The following CFAP53 variants were observed in gnomAD, a reference collection of about 807,000 sequenced individuals.
CFAP53 encodes cilia- and flagella-associated protein 53.
CFAP53 carries 62 observed loss-of-function variants against 59.7 expected under a neutral mutation model. The ratio of observed to expected loss-of-function variants is 1.04; its 90% CI spans 0.85 to 1.28. CFAP53 has a LOEUF of 1.28. Among genes scored for constraint, CFAP53 ranks in the 50% most tolerant of loss-of-function variants. The pLI is 0.00. For synonymous variants in CFAP53, 218 were observed against 205.7 expected (o/e 1.06, Z -0.51); for missense variants, 629 against 615.6 (o/e 1.02, Z -0.23).
At chr18:50,230,361 G>A (rs1416409063) in intron 7 of CFAP53, among the ~76,000 whole-genome samples, 2 of 152,128 alleles carry the variant, frequency 1.3e-5, no homozygotes, top group Non-Finnish European at 2.9e-5. Context: ...GGAAGGTGGG[G>A]GCTGGAGATG....
In CFAP53 at chr18:50,264,822, C is replaced by T. The variant is rs921378727; in HGVS notation, c.69+1514G>A. Among the ~76,000 whole-genome samples the T allele has an allele frequency of 9.2e-5, 14 of 152,234 alleles. 1 individual carries two copies. The highest frequency in any genetic ancestry group is 2.1e-4 in the Non-Finnish European group (14 of 68,052). Reference sequence around the variant, plus strand: ...CACAAGTAATAGCACCCAACAATGGCTCAGCCCCTGAGCCCAGTGTTTGGA... The same window carrying T: ...CACAAGTAATAGCACCCAACAATGGTTCAGCCCCTGAGCCCAGTGTTTGGA... On this transcript the variant is annotated intron_variant, in intron 1 of 7. Transcript: ENST00000398545.
intron 3 of CFAP53, among the ~76,000 whole-genome samples, chr18:50,258,319 T>C (rs1260682276): frequency 6.6e-6 from 1 of 152,172 alleles, no homozygotes; most frequent in Non-Finnish European, 1.5e-5. Context: ...AGTGAACTCG[T>C]TTTTGACAAA....
chr18:50,237,044 C>T (rs768563740), intron 7 of CFAP53, among the ~76,000 whole-genome samples: 7 of 151,542 alleles, frequency 4.6e-5, no homozygotes, highest in Admixed American at 6.6e-5. Flanking sequence ...CAGTGGCTCA[C>T]GCCTGTAATC....
intron 7 of CFAP53, among the ~76,000 whole-genome samples, chr18:50,231,773 A>C (rs2033586164): frequency 1.3e-5 from 2 of 152,142 alleles, no homozygotes; most frequent in South Asian, 4.1e-4. Context: ...CTGGCAGCAG[A>C]AGCTCATTCA....
Position 50,266,482 on chromosome 18 carries a change from C to A in CFAP53, c.-78G>T. ...TGGCGACCTGCGGGACCCGCTTCCG[C>A]GACGCAGAAGTCTGGTTGCCATGGT... On this transcript the variant is annotated 5_prime_UTR_variant, in exon 1 of 8. Coordinates refer to ENST00000398545, the MANE Select transcript of CFAP53 (RefSeq NM_145020.5). The A allele has an allele frequency of 7.0e-7, 1 of 1,435,984 alleles. No individual in the cohort carries two copies. The highest frequency in any genetic ancestry group is 1.1e-5 in the South Asian group (1 of 87,528). 89.0% of individuals were successfully genotyped at this position (1,435,984 alleles called of 1,614,324 possible). A position where few individuals can be genotyped will look rare whatever the true frequency, so the allele number is the denominator to read the frequency against.
At chr18:50,254,225 T>A in intron 3 of CFAP53, among the ~76,000 whole-genome samples, 1 of 148,048 alleles carries the variant, frequency 6.8e-6, no homozygotes. Context: ...TCCTTAAAAC[T>A]TAACAGCTAA....
chr18:50,266,243 G>A, intron 1 of CFAP53, 93 bp downstream of exon 1: 1 of 1,214,982 alleles, frequency 8.2e-7, no homozygotes, highest in Non-Finnish European at 1.2e-6. Flanking sequence ...CCTCGAGAAG[G>A]CCCCGGGTGG....
intron 3 of CFAP53, among the ~76,000 whole-genome samples, chr18:50,257,973 T>G (rs4939962): frequency 0.67 from 101,826 of 152,004 alleles, 34,466 homozygotes; most frequent in Admixed American, 0.73. Context: ...AGGCAGAGGT[T>G]GCGGGGAGCT....
intron 1 of CFAP53, among the ~76,000 whole-genome samples, chr18:50,264,750 T>C (rs930880804): frequency 6.6e-6 from 1 of 152,354 alleles, no homozygotes; most frequent in South Asian, 2.1e-4. Context: ...AGCCCGCTTC[T>C]CTGGTTTAGT....
intron 3 of CFAP53, among the ~76,000 whole-genome samples, chr18:50,255,252 T>C (rs2033836468): frequency 6.6e-6 from 1 of 152,172 alleles, no homozygotes; most frequent in Admixed American, 6.5e-5. Flanking sequence ...ATTATGGGGA[T>C]AGAGATTAGT....
rs1599109717 is a variant in CFAP53, at chr18:50,227,558, G to A, written c.1368C>T (p.Ala456=). The A allele has an allele frequency of 1.9e-6, 3 of 1,614,170 alleles. No individual in the cohort carries two copies. The highest frequency in any genetic ancestry group is 4.5e-5 in the East Asian group (2 of 44,882). ...CTGCTTCTTGGGACTGCTGCTGGTAGGCGATTTGCATCTGAAGTTGCTTCC... is the reference window on the plus strand; with the variant it reads ...CTGCTTCTTGGGACTGCTGCTGGTAAGCGATTTGCATCTGAAGTTGCTTCC... The part of the protein sequence containing the change: ...EYRKQLQMQI[A]YQQQSQEAEK... Residue 456 remains alanine, a synonymous_variant, in exon 8 of 8, where the codon GCC becomes GCT. Transcript: ENST00000398545.
At chr18:50,259,271 T>C (rs999571283) in intron 3 of CFAP53, among the ~76,000 whole-genome samples, 1 of 152,170 alleles carries the variant, frequency 6.6e-6, no homozygotes, top group Non-Finnish European at 1.5e-5. Flanking sequence ...TATTCAGCTA[T>C]AACAAAGAAT....
chr18:50,262,175 T>C lies in CFAP53; in HGVS notation c.114A>G (p.Glu38=), dbSNP rs1489112406. 6.2e-7 allele frequency: 1 copy of C among 1,614,230 alleles called. No individual in the cohort carries two copies. Residue 38 remains glutamate (E), a synonymous_variant, in exon 2 of 8, where the codon GAA becomes GAG. Transcript: ENST00000398545. The part of the protein sequence containing the change: ...PKGQGAEHHL[E]RIRRSHQKHN... ...GCTTCTGATGGCTGCGTCGGATTCT[T>C]TCTAGATGGTGCTCAGCTCCTTGGC...
chr18:50,243,756 C>T (rs892436844), intron 5 of CFAP53, among the ~76,000 whole-genome samples: 1 of 152,052 alleles, frequency 6.6e-6, no homozygotes, highest in Non-Finnish European at 1.5e-5. Context: ...CTGAGACCAT[C>T]CTGGCTAACA....
intron 6 of CFAP53, among the ~76,000 whole-genome samples, chr18:50,242,009 C>T (rs984275073): frequency 1.3e-5 from 2 of 152,112 alleles, no homozygotes; most frequent in African/African-American, 4.8e-5. Context: ...TATAGACCTA[C>T]CCCCAGGAAT....
At chr18:50,228,501 A>C (rs1181705832) in intron 7 of CFAP53, among the ~76,000 whole-genome samples, 1 of 152,120 alleles carries the variant, frequency 6.6e-6, no homozygotes, top group Non-Finnish European at 1.5e-5. Flanking sequence ...GTAATAAAAA[A>C]CACATTATGA....
intron 3 of CFAP53, among the ~76,000 whole-genome samples, chr18:50,252,306 G>A (rs890040994): frequency 1.2e-4 from 18 of 151,948 alleles, no homozygotes; most frequent in African/African-American, 3.9e-4. Flanking sequence ...GGGTTTCACC[G>A]TGTTAGCCAG....
rs771627247 is a variant in CFAP53, at chr18:50,251,509, A to G, written c.749T>C (p.Leu250Pro). The change falls in exon 4 of 8, where the codon CTG becomes CCG. Residue 250 changes from leucine to proline, a missense_variant. Physicochemically the swap from Leu to Pro is moderately conservative, Grantham distance 98 (BLOSUM62 -3). Transcript: ENST00000398545. Reference protein sequence around the residue: ...SIKAQRQATQLLKEEEARLVE... With the variant: ...SIKAQRQATQPLKEEEARLVE... ...AAGGCGTGCCTCCTCTTCCTTCAGCAGCTGTGTCGCCTGCCTTTGTGCCTT... is the reference window on the plus strand; with the variant it reads ...AAGGCGTGCCTCCTCTTCCTTCAGCGGCTGTGTCGCCTGCCTTTGTGCCTT... 2 of 1,613,704 alleles carry G rather than the reference A, an allele frequency of 1.2e-6. No homozygotes were observed. Among genetic ancestry groups the G allele is most frequent in the Non-Finnish European group, 1.7e-6 (2 of 1,180,008 alleles).
At chr18:50,254,514 G>C (rs1416396743) in intron 3 of CFAP53, among the ~76,000 whole-genome samples, 1 of 152,154 alleles carries the variant, frequency 6.6e-6, no homozygotes, top group East Asian at 1.9e-4. Context: ...GGAAAAACTG[G>C]ATCTCTCATA....
Sources: allele counts gnomAD v4.1 joint callset (sites outside exome capture counted in the v4.1 genomes callset), GRCh38; gene constraint gnomAD v4.1.1; transcripts MANE v1.5; gene names NCBI Gene and HGNC (gene_info 2026-07-23, HGNC 2026-07-21).